Variants in PLCB1 observed in about 807,000 individuals in gnomAD.
The protein encoded by PLCB1 is phospholipase C beta 1, also known as 1-phosphatidylinositol 4,5-bisphosphate phosphodiesterase beta-1.
Under a neutral mutation model 161.8 loss-of-function variants are expected in PLCB1, and 46 were observed. The ratio of observed to expected loss-of-function variants is 0.28; its 90% CI spans 0.22 to 0.36. The LOEUF is 0.36. Among genes scored for constraint, PLCB1 ranks in the 10% least tolerant of loss-of-function variants. The pLI is 1.00. For missense variants in PLCB1, 1,016 were observed against 1,472.5 expected (o/e 0.69, Z 5.07); for synonymous variants, 517 against 503.7 (o/e 1.03, Z -0.35).
chr20:8,241,491 T>C (rs879474970), intron 2 of PLCB1, among the ~76,000 whole-genome samples: 8 of 152,102 alleles, frequency 5.3e-5, no homozygotes, highest in Middle Eastern at 3.4e-3. Context: ...AGTCACTTAA[T>C]GTCAGCTTGA....
At chr20:8,195,839 G>A (rs1260407474) in intron 2 of PLCB1, among the ~76,000 whole-genome samples, 1 of 151,982 alleles carries the variant, frequency 6.6e-6, no homozygotes, top group Non-Finnish European at 1.5e-5. Flanking sequence ...ATTATATTGA[G>A]GTTCTGCATT....
At chr20:8,718,189 C>T (rs1192508659) in intron 14 of PLCB1, among the ~76,000 whole-genome samples, 1 of 152,046 alleles carries the variant, frequency 6.6e-6, no homozygotes, top group Non-Finnish European at 1.5e-5. Context: ...CACTGCACTC[C>T]AGCCTGGTGA....
At chr20:8,288,568 T>C (rs1311368869) in intron 2 of PLCB1, among the ~76,000 whole-genome samples, 1 of 152,202 alleles carries the variant, frequency 6.6e-6, no homozygotes, top group Non-Finnish European at 1.5e-5. Context: ...CAGAATGTCA[T>C]GGACTACCAG....
chr20:8,543,442 C>T (rs77897451), intron 3 of PLCB1, among the ~76,000 whole-genome samples: 5 of 151,948 alleles, frequency 3.3e-5, no homozygotes, highest in East Asian at 1.9e-4. Flanking sequence ...AGATCAGTGG[C>T]GGCCTGGCAA....
chr20:8,853,253 T>C (rs1375392599), intron 31 of PLCB1, among the ~76,000 whole-genome samples: 1 of 152,168 alleles, frequency 6.6e-6, no homozygotes, highest in Non-Finnish European at 1.5e-5. Context: ...AGGAAAAAAT[T>C]AAATGCCCAG....
At chr20:8,831,911 T>C (rs6086621) in intron 31 of PLCB1, among the ~76,000 whole-genome samples, 2,782 of 30,700 alleles carry the variant, frequency 0.091, 32 homozygotes, top group Admixed American at 0.13. Flanking sequence ...TCTCTTTCTT[T>C]CTCTTTCTTT....
intron 3 of PLCB1, among the ~76,000 whole-genome samples, chr20:8,407,763 C>T (rs1978850337): frequency 6.6e-6 from 1 of 152,020 alleles, no homozygotes; most frequent in African/African-American, 2.4e-5. Flanking sequence ...AGTATTAAGT[C>T]ATGTTGCTGG....
chr20:8,657,220 G>C lies in PLCB1; in HGVS notation c.631G>C (p.Val211Leu). 1 of 1,610,132 alleles carries C rather than the reference G, an allele frequency of 6.2e-7. No individual in the cohort carries two copies. The highest frequency in any genetic ancestry group is 8.5e-7 in the Non-Finnish European group (1 of 1,176,672). ...ACCTCAAGAAGATTTCACTCCAGAA[G>C]TGTACAGAGTTTTCCTCAACAACCT... is the stretch of plus-strand genomic sequence containing the variant. ...SIPQEDFTPE[V>L]YRVFLNNLCP... The change falls in exon 8 of 32, where the codon GTG (valine) becomes CTG (leucine). Residue 211 changes from valine (V) to leucine (L), a missense_variant. By Grantham distance (32) the Val-to-Leu change is conservative. Around this residue, in one of 10 missense-constraint regions of PLCB1, gnomAD observed 117 missense variants for 142.2 expected, o/e 0.82. Coordinates refer to ENST00000338037, the MANE Select transcript of PLCB1 (RefSeq NM_015192.4).
At chr20:8,466,119 A>G (rs1212551924) in intron 3 of PLCB1, among the ~76,000 whole-genome samples, 1 of 150,578 alleles carries the variant, frequency 6.6e-6, no homozygotes, top group African/African-American at 2.4e-5. Flanking sequence ...TGTGGCACAT[A>G]TACACCATGG....
At position 8,600,978 on chromosome 20, in the gene PLCB1, C is replaced by A. The variant is rs554157686; in HGVS notation, c.247-27316C>A. 8.3e-4 allele frequency among the ~76,000 whole-genome samples: 126 copies of A among 152,226 alleles called. 1 individual carries two copies. The highest frequency in any genetic ancestry group is 5.6e-3 in the South Asian group (27 of 4,832). On this transcript the variant is annotated intron_variant, in intron 3 of 31. Coordinates refer to ENST00000338037, the MANE Select transcript of PLCB1 (RefSeq NM_015192.4). The stretch of plus-strand genomic sequence containing the variant: ...TTCAGCTCGCGCACGGTGCGCGCAC[C>A]CACTGACCTGCGCCCACTGTCTGGC...
At chr20:8,551,609 C>T (rs1033076931) in intron 3 of PLCB1, among the ~76,000 whole-genome samples, 1 of 152,112 alleles carries the variant, frequency 6.6e-6, no homozygotes, top group Non-Finnish European at 1.5e-5. Context: ...CTTCCAGAGG[C>T]AGCCCTCAAA....
intron 1 of PLCB1, among the ~76,000 whole-genome samples, chr20:8,142,553 T>G (rs2051415062): frequency 6.6e-6 from 1 of 152,214 alleles, no homozygotes; most frequent in South Asian, 2.1e-4. Context: ...ATGTATTTAT[T>G]TCTCATATTC....
intron 12 of PLCB1, among the ~76,000 whole-genome samples, chr20:8,713,180 T>G (rs1291504933): frequency 6.6e-6 from 1 of 152,138 alleles, no homozygotes; most frequent in Non-Finnish European, 1.5e-5. Flanking sequence ...GAGGCAGGTT[T>G]TGTTTTTGTT....
chr20:8,557,250 A>T (rs1985995821), intron 3 of PLCB1, among the ~76,000 whole-genome samples: 1 of 151,982 alleles, frequency 6.6e-6, no homozygotes, highest in Non-Finnish European at 1.5e-5. Flanking sequence ...GTACACTCAT[A>T]TTCATAGCAG....
chr20:8,418,834 A>G (rs140402623), intron 3 of PLCB1, among the ~76,000 whole-genome samples: 2 of 152,274 alleles, frequency 1.3e-5, no homozygotes, highest in East Asian at 3.9e-4. Context: ...CTAGAGTAAG[A>G]TTGGTTCTAC....
chr20:8,195,785 T>C (rs538423552), intron 2 of PLCB1, among the ~76,000 whole-genome samples: 1 of 152,280 alleles, frequency 6.6e-6, no homozygotes, highest in African/African-American at 2.4e-5. Context: ...TCAGTTACTT[T>C]ATGCAATGTC....
At chr20:8,709,555 A>T (rs1437595699) in intron 12 of PLCB1, among the ~76,000 whole-genome samples, 1 of 152,166 alleles carries the variant, frequency 6.6e-6, no homozygotes, top group East Asian at 1.9e-4. Context: ...CCTCCTTCCT[A>T]TTGGGAGTCT....
intron 2 of PLCB1, among the ~76,000 whole-genome samples, chr20:8,176,245 T>C (rs571096387): frequency 1.3e-5 from 2 of 152,320 alleles, no homozygotes; most frequent in East Asian, 1.9e-4. Flanking sequence ...ATAGACCAGA[T>C]GCCTTCAGTG....
intron 2 of PLCB1, among the ~76,000 whole-genome samples, chr20:8,336,792 TTATA>T (rs1985597036): frequency 6.6e-6 from 1 of 152,228 alleles, no homozygotes; most frequent in South Asian, 2.1e-4. Flanking sequence ...AGAATGTTGA[TTATA>T]TAGGTGTTTC....
Sources: gnomAD v4.1 joint callset for allele counts (sites outside exome capture counted in the v4.1 genomes callset) on GRCh38, gnomAD v4.1.1 for gene constraint, gnomAD v4.1.1 regional missense constraint, MANE v1.5 for transcripts, NCBI Gene and HGNC (gene_info 2026-07-23, HGNC 2026-07-21) for gene names.